The following ELAPOR2 variants were observed in gnomAD, a reference collection of about 807,000 sequenced individuals.
ELAPOR2 encodes endosome-lysosome associated apoptosis and autophagy regulator family member 2.
In ELAPOR2, 89 loss-of-function variants were observed where a neutral mutation model predicts 120.7. That is an observed-to-expected ratio of 0.74 (90% CI 0.62 to 0.88). The LOEUF (loss-of-function observed/expected upper bound fraction) is 0.88. Among genes scored for constraint, ELAPOR2 ranks in the 40% least tolerant of loss-of-function variants. The pLI, the probability that ELAPOR2 is intolerant of heterozygous loss-of-function variation, is 0.00. For missense variants in ELAPOR2, 1,134 were observed against 1,251.6 expected, an observed-to-expected ratio of 0.91 and a Z score of 1.42; for synonymous variants, 444 against 444.9, an observed-to-expected ratio of 1.00 and a Z score of 0.03.
chr7:86,897,661 A>G (rs762296424), intron 18 of ELAPOR2, 29 bp from the exon 19 acceptor site: 71 of 1,611,904 alleles, frequency 4.4e-5, no homozygotes, highest in Non-Finnish European at 5.5e-5. Context: ...CCAAAAACAC[A>G]TAAGTGGCAG....
At chr7:86,956,111 T>A (rs1233172090) in intron 2 of ELAPOR2, among the ~76,000 whole-genome samples, 1 of 152,216 alleles carries the variant, frequency 6.6e-6, no homozygotes, top group South Asian at 2.1e-4. Flanking sequence ...AGCTGCTATG[T>A]CAGCTCTGAA....
chr7:87,003,790 C>T (rs1793390230), intron 1 of ELAPOR2, among the ~76,000 whole-genome samples: 1 of 152,142 alleles, frequency 6.6e-6, no homozygotes, highest in Non-Finnish European at 1.5e-5. Flanking sequence ...GGTTCAAATG[C>T]CTTATTTTAA....
chr7:86,974,156 T>C (rs1259862133), intron 1 of ELAPOR2, among the ~76,000 whole-genome samples: 2 of 152,162 alleles, frequency 1.3e-5, no homozygotes, highest in Non-Finnish European at 2.9e-5. Context: ...TCTAATTATA[T>C]ATGGTTACAA....
rs748116287 is a variant in ELAPOR2 at position 86,891,899 on chromosome 7, GATAAA to G, written c.2865-15_2865-11del. 11 of 1,524,558 alleles carry G rather than the reference GATAAA, an allele frequency of 7.2e-6. No individual in the cohort carries two copies. Among genetic ancestry groups the G allele is most frequent in the Non-Finnish European group, 8.9e-6 (10 of 1,119,052 alleles). The allele number at this position is 1,524,558 out of a possible 1,614,324, so 94.4% of individuals were successfully genotyped here. A position where few individuals can be genotyped will look rare whatever the true frequency, so the allele number is the denominator to read the frequency against. ...ATATTTGTATTCCAGTCTAAATAGT[GATAAA>G]ATAAATAAACAAATAAGTATCCATT... On this transcript the variant is annotated splice_polypyrimidine_tract_variant and intron_variant, in intron 20 of 21. Coordinates refer to ENST00000450689, the MANE Select transcript of ELAPOR2 (RefSeq NM_001142749.3).
intron 2 of ELAPOR2, among the ~76,000 whole-genome samples, chr7:86,956,852 G>A (rs1221461517): frequency 2.0e-5 from 3 of 151,996 alleles, no homozygotes; most frequent in Non-Finnish European, 4.4e-5. Flanking sequence ...TCACCCAAGG[G>A]GGCAGAACAA....
intron 2 of ELAPOR2, among the ~76,000 whole-genome samples, chr7:86,959,053 T>C (rs1019152194): frequency 1.3e-5 from 2 of 152,242 alleles, no homozygotes; most frequent in Non-Finnish European, 2.9e-5. Context: ...TTTAAGTTTA[T>C]TCTTAAGTAT....
At chr7:86,919,556 A>G (rs113300912) in intron 10 of ELAPOR2, among the ~76,000 whole-genome samples, 4 of 152,194 alleles carry the variant, frequency 2.6e-5, no homozygotes, top group African/African-American at 9.6e-5. Flanking sequence ...AGTTTTCTCA[A>G]TGAAGCATGA....
At chr7:86,887,302 T>A (rs1020571245) in intron 21 of ELAPOR2, among the ~76,000 whole-genome samples, 1 of 152,112 alleles carries the variant, frequency 6.6e-6, no homozygotes, top group African/African-American at 2.4e-5. Flanking sequence ...TGGCAAAGCA[T>A]CTGCCATCAT....
intron 1 of ELAPOR2, 101 bp from the exon 2 acceptor site, chr7:86,965,125 C>G: frequency 2.5e-6 from 3 of 1,205,088 alleles, no homozygotes; most frequent in Non-Finnish European, 3.5e-6. Context: ...GCTGTACCCT[C>G]TCCTTGATTC....
Position 86,880,303 on chromosome 7 carries a change from A to C in ELAPOR2, c.*168T>G. 1 of 650,028 alleles carries C rather than the reference A, an allele frequency of 1.5e-6. No individual in the cohort carries two copies. The highest frequency in any genetic ancestry group is 2.7e-5 in the East Asian group (1 of 36,718). 40.3% of individuals were successfully genotyped at this position (650,028 alleles called of 1,614,324 possible). ...CCTTTATTTGGCAAGGTACTTGACC[A>C]TGTGATAAGGCAATCAAATGTTTCA... On this transcript the variant is annotated 3_prime_UTR_variant, in exon 22 of 22. Transcript: ENST00000450689.
chr7:87,020,458 G>C (rs1794002331), intron 1 of ELAPOR2, among the ~76,000 whole-genome samples: 1 of 152,112 alleles, frequency 6.6e-6, no homozygotes, highest in Non-Finnish European at 1.5e-5. Context: ...GTAAAGTACT[G>C]ATATTACTAT....
chr7:86,902,209 T>C (rs1486852760), intron 18 of ELAPOR2, among the ~76,000 whole-genome samples: 1 of 152,058 alleles, frequency 6.6e-6, no homozygotes, highest in African/African-American at 2.4e-5. Flanking sequence ...AGAGTTTCCA[T>C]CTTGTTGCCC....
chr7:86,910,129 C>G, intron 15 of ELAPOR2, 128 bp from the exon 16 acceptor site: 1 of 698,690 alleles, frequency 1.4e-6, no homozygotes. Context: ...TTTAGTTGAT[C>G]TGGTATGAGG....
At chr7:86,959,300 T>TA (rs1417646437) in intron 2 of ELAPOR2, among the ~76,000 whole-genome samples, 3 of 152,332 alleles carry the variant, frequency 2.0e-5, no homozygotes, top group African/African-American at 7.2e-5. Flanking sequence ...TTCTGATTCG[T>TA]ATGCCTTTTA....
rs1488202803 is a variant in ELAPOR2, at chr7:86,919,093, C to T, written c.1490+127G>A. The T allele has an allele frequency of 6.7e-6, 4 of 599,968 alleles. No homozygotes were observed. The East Asian group carries it at 1.1e-4, about 17-fold the overall frequency. The allele number at this position is 599,968 out of a possible 1,614,324, so 37.2% of individuals were successfully genotyped here. A position where few individuals can be genotyped will look rare whatever the true frequency, so the allele number is the denominator to read the frequency against. The stretch of plus-strand genomic sequence containing the variant: ...TTCAATATAATACATTACCCTGTGA[C>T]AGCTTGTTATTTACTAAGTATTTTT... On this transcript the variant is annotated intron_variant, in intron 11 of 21. Coordinates refer to ENST00000450689, the MANE Select transcript of ELAPOR2 (RefSeq NM_001142749.3).
rs201126011 is a variant in ELAPOR2 at position 86,905,070 on chromosome 7, AGAAGGAAGGAAGGAAGGAAGGAAGGAAG to A, written c.2558+2572_2558+2599del. On this transcript the variant is annotated intron_variant, in intron 18 of 21. Coordinates refer to ENST00000450689, the MANE Select transcript of ELAPOR2 (RefSeq NM_001142749.3). ...GAATGAATGAGAAAGACAGAGAGAG[AGAAGGAAGGAAGGAAGGAAGGAAGGAAG>A]GAAGGAAGGAAGGAAGGAAGGAAGG... 2.0e-3 allele frequency among the ~76,000 whole-genome samples: 199 copies of A among 98,198 alleles called. No homozygotes were observed. In the Middle Eastern group the frequency reaches 0.028, roughly 14 times the overall value. The allele number at this position is 98,198 out of a possible 152,430, so 64.4% of individuals were successfully genotyped here.
chr7:86,938,325 G>A, intron 7 of ELAPOR2, 111 bp from the exon 8 acceptor site: 2 of 727,720 alleles, frequency 2.7e-6, no homozygotes, highest in Non-Finnish European at 4.6e-6. Flanking sequence ...AAACTTACCA[G>A]GGCAATTTAG....
chr7:86,913,154 A>G lies in ELAPOR2; in HGVS notation c.1782T>C (p.Thr594=). Residue 594 remains threonine (T), a synonymous_variant, in exon 14 of 22, where the codon ACT becomes ACC. Coordinates refer to ENST00000450689, the MANE Select transcript of ELAPOR2 (RefSeq NM_001142749.3). ...DMVKIYSITA[T]NAVDGVASSC... is the part of the protein sequence containing the mutation. ...AGGACGCCACCCCATCAACTGCATT[A>G]GTGGCTGTGATAGAATAAATCTTCA... is the stretch of plus-strand genomic sequence containing the variant. 6.2e-7 allele frequency: 1 copy of G among 1,614,014 alleles called. No individual in the cohort carries two copies. The highest frequency in any genetic ancestry group is 8.5e-7 in the Non-Finnish European group (1 of 1,179,964).
intron 1 of ELAPOR2, among the ~76,000 whole-genome samples, chr7:87,014,003 G>A (rs996928320): frequency 7.1e-6 from 1 of 140,878 alleles, no homozygotes; most frequent in Non-Finnish European, 1.5e-5. Flanking sequence ...CCTTTTCCCA[G>A]TATATTTCGT....
Sources: gnomAD v4.1 joint callset for allele counts (sites outside exome capture counted in the v4.1 genomes callset) on GRCh38, gnomAD v4.1.1 for gene constraint, MANE v1.5 for transcripts, NCBI Gene and HGNC (gene_info 2026-07-23, HGNC 2026-07-21) for gene names.